The following SGCE variants were observed in gnomAD, a reference collection of about 807,000 sequenced individuals.
The protein encoded by SGCE is sarcoglycan epsilon.
SGCE carries 26 observed loss-of-function variants against 57.8 expected under a neutral mutation model. That is an observed-to-expected ratio of 0.45 (90% CI 0.33 to 0.62). SGCE has a LOEUF of 0.62. SGCE is among the 20% of genes least tolerant of loss of function. The pLI, the probability that SGCE is intolerant of heterozygous loss-of-function variation, is 0.02. For missense variants in SGCE, 468 were observed against 548.6 expected (o/e 0.85, Z 1.47); for synonymous variants, 183 against 189.5 (o/e 0.97, Z 0.28).
At chr7:94,592,003 G>A (rs1027378427) in intron 9 of SGCE, among the ~76,000 whole-genome samples, 5 of 152,194 alleles carry the variant, frequency 3.3e-5, no homozygotes, top group Middle Eastern at 3.4e-3. Context: ...GCTTGTGTGC[G>A]CAAAAAGGTG....
At position 94,636,210 on chromosome 7, in the gene SGCE, G is replaced by A. The variant is rs539149666; in HGVS notation, c.110-6369C>T. ...TGTGTGTGTTTTTTAAATGTCAATC[G>A]GAAAAAGGTTGCAAACCATTGCTAA... On this transcript the variant is annotated intron_variant, in intron 1 of 10. Transcript: ENST00000648936. Among the ~76,000 whole-genome samples the A allele has an allele frequency of 3.3e-5, 5 of 152,208 alleles. No homozygotes were observed. In the East Asian group the frequency reaches 9.7e-4, roughly 29 times the overall value.
At chr7:94,624,763 C>T (rs1803423639) in intron 3 of SGCE, 1 of 151,876 alleles carries the variant, frequency 6.6e-6, no homozygotes, top group African/African-American at 2.4e-5. Flanking sequence ...GAAGCTTCAG[C>T]TTAGAAAAAA....
At chr7:94,624,405 A>C (rs914680863) in intron 3 of SGCE, 1 of 392,286 alleles carries the variant, frequency 2.5e-6, no homozygotes, top group Non-Finnish European at 4.5e-6. Context: ...ATTTTGAAAT[A>C]AATAATTTTA....
intron 5 of SGCE, among the ~76,000 whole-genome samples, chr7:94,616,235 G>A (rs1354879363): frequency 6.6e-6 from 1 of 152,108 alleles, no homozygotes; most frequent in Non-Finnish European, 1.5e-5. Context: ...ACTACTGAGG[G>A]CTACTCTTGG....
intron 10 of SGCE, 90 bp from the exon 11 acceptor site, chr7:94,585,605 A>G (rs1166965317): frequency 1.2e-6 from 1 of 840,278 alleles, no homozygotes; most frequent in Non-Finnish European, 2.1e-6. Context: ...GCAAGGAGAA[A>G]GTTTCCATCT....
chr7:94,650,557 A>G (rs1279498840), intron 1 of SGCE, among the ~76,000 whole-genome samples: 1 of 152,194 alleles, frequency 6.6e-6, no homozygotes, highest in Non-Finnish European at 1.5e-5. Flanking sequence ...AAGTTGTAAG[A>G]AATGAACTTG....
Position 94,628,284 on chromosome 7 carries a change from T to A in SGCE, c.308A>T (p.Tyr103Phe). 6.2e-7 allele frequency: 1 copy of A among 1,611,634 alleles called. No individual in the cohort carries two copies. The highest frequency in any genetic ancestry group is 1.3e-5 in the African/African-American group (1 of 74,964). ...ATCACTATATGGTGTCCTTTGGATA[T>A]ATCGAAGCCATCCAGGTCGGTCTGG... ...GYPDRPGWLR[Y>F]IQRTPYSDGV... The change falls in exon 3 of 11, where the codon TAT (tyrosine) becomes TTT (phenylalanine). Residue 103 changes from tyrosine (Y) to phenylalanine (F), a missense_variant. Physicochemically the swap from Tyr to Phe is conservative, Grantham distance 22 (BLOSUM62 3). Coordinates refer to ENST00000648936, the MANE Select transcript of SGCE (RefSeq NM_003919.3).
chr7:94,593,252 C>A (rs1210094000), intron 9 of SGCE, among the ~76,000 whole-genome samples: 1 of 151,880 alleles, frequency 6.6e-6, no homozygotes, highest in Non-Finnish European at 1.5e-5. Flanking sequence ...TTGAGAGAGA[C>A]CCAATTATCC....
chr7:94,624,070 GCAAAGGCCAACAA>G (rs1382340725), intron 3 of SGCE: 1 of 392,636 alleles, frequency 2.5e-6, no homozygotes, highest in African/African-American at 2.1e-5. Flanking sequence ...AACACACAAA[GCAAAGGCCAACAA>G]CAGGATATGG....
At chr7:94,592,838 A>G (rs1172162703) in intron 9 of SGCE, among the ~76,000 whole-genome samples, 1 of 152,182 alleles carries the variant, frequency 6.6e-6, no homozygotes, top group Non-Finnish European at 1.5e-5. Flanking sequence ...AAAGCCACAG[A>G]ATCCATGCCA....
At chr7:94,591,711 C>T (rs1172127543) in intron 9 of SGCE, among the ~76,000 whole-genome samples, 1 of 152,150 alleles carries the variant, frequency 6.6e-6, no homozygotes, top group African/African-American at 2.4e-5. Context: ...TATGCCCTGT[C>T]GTTTCTTTTC....
intron 1 of SGCE, among the ~76,000 whole-genome samples, chr7:94,631,277 A>G (rs2116985526): frequency 6.6e-6 from 1 of 151,894 alleles, no homozygotes; most frequent in Middle Eastern, 3.4e-3. Flanking sequence ...ACAGAAAAAT[A>G]GTAAAGATGA....
rs372207991 is a variant in SGCE, at chr7:94,656,088, G to A, written c.11C>T (p.Pro4Leu). The A allele has an allele frequency of 6.8e-6, 11 of 1,607,738 alleles. No homozygotes were observed. The Admixed American group carries it at 1.2e-4, about 17-fold the overall frequency. Reference protein sequence around the residue: MQLPRWWELGDPCA... With the variant: MQLLRWWELGDPCA... Reference sequence around the variant, plus strand: ...GGGGTCTCCCAGCTCCCACCACCGGGGCAATTGCATTCTTGGCCTGGCTAG... The same window carrying A: ...GGGGTCTCCCAGCTCCCACCACCGGAGCAATTGCATTCTTGGCCTGGCTAG... Residue 4 changes from proline (P) to leucine (L), a missense_variant, in exon 1 of 11, where the codon CCC becomes CTC. Coordinates refer to ENST00000648936, the MANE Select transcript of SGCE (RefSeq NM_003919.3).
At chr7:94,588,918 A>G (rs1167079231) in intron 9 of SGCE, 186 bp from the exon 10 acceptor site, 3 of 627,868 alleles carry the variant, frequency 4.8e-6, no homozygotes, top group Non-Finnish European at 8.4e-6. Flanking sequence ...ATAAAAATTA[A>G]CAATATTTGA....
intron 9 of SGCE, chr7:94,598,463 TG>T: frequency 3.1e-6 from 1 of 317,622 alleles, no homozygotes; most frequent in Non-Finnish European, 5.9e-6. Context: ...GCTTAGGATA[TG>T]GTTCTTTTTT....
rs192098921 is a variant in SGCE, at chr7:94,617,476, C to T, written c.662+1282G>A. 4 of 152,238 alleles carry T rather than the reference C, an allele frequency of 2.6e-5. No homozygotes were observed. In the East Asian group the frequency reaches 7.7e-4, roughly 29 times the overall value. The allele number at this position is 152,238 out of a possible 1,614,324, so 9.4% of individuals were successfully genotyped here. ...CCTTAAGAAAACTGTTTTAAAAACC[C>T]CATATTTGGAGAATGCCTTCAGGGA... On this transcript the variant is annotated intron_variant, in intron 5 of 10. Transcript: ENST00000648936.
At chr7:94,654,127 T>C (rs1219497278) in intron 1 of SGCE, among the ~76,000 whole-genome samples, 1 of 152,156 alleles carries the variant, frequency 6.6e-6, no homozygotes, top group Non-Finnish European at 1.5e-5. Flanking sequence ...CAGGTGACCT[T>C]TTCTTTAGAG....
chr7:94,611,882 G>A (rs1801101152), intron 5 of SGCE, among the ~76,000 whole-genome samples: 1 of 151,976 alleles, frequency 6.6e-6, no homozygotes, highest in Non-Finnish European at 1.5e-5. Flanking sequence ...GTACCTTTGG[G>A]AAACAAATAG....
At chr7:94,617,309 G>A (rs940424515) in intron 5 of SGCE, 11 of 152,168 alleles carry the variant, frequency 7.2e-5, no homozygotes, top group African/African-American at 1.9e-4. Flanking sequence ...AAAGTACCTC[G>A]ACGGGTGGGA....
Sources: allele counts gnomAD v4.1 joint callset (sites outside exome capture counted in the v4.1 genomes callset), GRCh38; gene constraint gnomAD v4.1.1; transcripts MANE v1.5; gene names NCBI Gene and HGNC (gene_info 2026-07-23, HGNC 2026-07-21).